HECW1: variants seen among roughly 807,000 people sequenced by gnomAD.
HECW1 encodes HECT, C2 and WW domain containing E3 ubiquitin protein ligase 1, also known as E3 ubiquitin-protein ligase HECW1.
Under a neutral mutation model 182.3 loss-of-function variants are expected in HECW1, and 61 were observed. The observed-to-expected ratio is 0.33, with a 90% CI of 0.27 to 0.41. The LOEUF (loss-of-function observed/expected upper bound fraction) is 0.41, where lower values mean the gene tolerates loss of function less well. Ranked by LOEUF, HECW1 falls within the 10% of genes least tolerant of loss-of-function variation. The probability of loss-of-function intolerance (pLI) is 1.00; values close to 1 mark genes in which losing one functional copy is unlikely to be tolerated. For missense variants in HECW1, 1,739 were observed against 2,108.9 expected, an observed-to-expected ratio of 0.82 and a Z score of 3.44; for synonymous variants, 859 against 832.6, an observed-to-expected ratio of 1.03 and a Z score of -0.55.
At chr7:43,318,337 T>A (rs1424167244) in intron 4 of HECW1, among the ~76,000 whole-genome samples, 1 of 152,204 alleles carries the variant, frequency 6.6e-6, no homozygotes, top group Non-Finnish European at 1.5e-5. Context: ...AATGAGGCAA[T>A]TACTGTAAAA....
At chr7:43,501,366 G>A (rs1457070214) in intron 21 of HECW1, 44 bp downstream of exon 21, 1 of 1,102,366 alleles carries the variant, frequency 9.1e-7, no homozygotes, top group Non-Finnish European at 1.4e-6. Flanking sequence ...GTGGCCACGT[G>A]TGTTTCCTCC....
intron 2 of HECW1, among the ~76,000 whole-genome samples, chr7:43,187,023 G>A (rs1793474478): frequency 6.6e-6 from 1 of 152,172 alleles, no homozygotes; most frequent in Non-Finnish European, 1.5e-5. Flanking sequence ...TTATCTGGAA[G>A]GCTCTGCCTC....
chr7:43,333,579 C>G (rs1811762327), intron 5 of HECW1, among the ~76,000 whole-genome samples: 1 of 152,108 alleles, frequency 6.6e-6, no homozygotes, highest in Non-Finnish European at 1.5e-5. Context: ...GTAGCATTTC[C>G]CCTTAGAAGG....
chr7:43,113,614 T>A (rs1223904522), intron 1 of HECW1: 2 of 178,734 alleles, frequency 1.1e-5, no homozygotes, highest in Non-Finnish European at 2.4e-5. Flanking sequence ...GGAGCAGTCA[T>A]GTCGCCTACC....
At chr7:43,390,182 T>C (rs1473292717) in intron 6 of HECW1, among the ~76,000 whole-genome samples, 1 of 152,112 alleles carries the variant, frequency 6.6e-6, no homozygotes, top group Non-Finnish European at 1.5e-5. Flanking sequence ...TGCCTTGTCT[T>C]CAAGGTGGTA....
At chr7:43,519,021 CA>C (rs2080310419) in intron 24 of HECW1, among the ~76,000 whole-genome samples, 1 of 152,092 alleles carries the variant, frequency 6.6e-6, no homozygotes. Flanking sequence ...CTCATAGAAA[CA>C]AAAGCACTAA....
intron 17 of HECW1, among the ~76,000 whole-genome samples, chr7:43,487,751 G>A (rs1015716184): frequency 5.3e-5 from 8 of 151,934 alleles, no homozygotes; most frequent in African/African-American, 1.9e-4. Flanking sequence ...GAAGCCAGGA[G>A]TTCAAGACCA....
rs1170128720 is a variant in HECW1 at position 43,442,702 on chromosome 7, A to G, written c.1045+73A>G. ...GTGTGGTTCCTTTTTCTAAAATACA[A>G]TAACTATGGTTCTCTCCAGATGTAT... On this transcript the variant is annotated intron_variant, in intron 10 of 29. Transcript: ENST00000395891. The G allele has an allele frequency of 1.7e-5, 17 of 994,996 alleles. No individual in the cohort carries two copies. Among genetic ancestry groups the G allele is most frequent in the Middle Eastern group, 2.0e-4 (1 of 4,900 alleles). 61.6% of individuals were successfully genotyped at this position (994,996 alleles called of 1,614,324 possible).
chr7:43,198,278 T>C (rs1318671647), intron 2 of HECW1, among the ~76,000 whole-genome samples: 1 of 140,228 alleles, frequency 7.1e-6, no homozygotes, highest in Non-Finnish European at 1.6e-5. Context: ...CACCCCACAC[T>C]CACACACCAC....
chr7:43,277,678 A>G (rs1194301011), intron 3 of HECW1, among the ~76,000 whole-genome samples: 1 of 151,940 alleles, frequency 6.6e-6, no homozygotes, highest in Non-Finnish European at 1.5e-5. Context: ...TTCCTTCTCC[A>G]TTTACCACAC....
chr7:43,509,302 G>T (rs2079745344), intron 24 of HECW1, 181 bp downstream of exon 24: 1 of 528,940 alleles, frequency 1.9e-6, no homozygotes, highest in African/African-American at 1.9e-5. Context: ...AACACAAGAT[G>T]GATTTACCAA....
chr7:43,427,056 G>A (rs1051736079), intron 8 of HECW1, among the ~76,000 whole-genome samples: 1 of 151,740 alleles, frequency 6.6e-6, no homozygotes, highest in Non-Finnish European at 1.5e-5. Context: ...GAAAGTTTAT[G>A]GTTGCTAAGC....
At chr7:43,451,385 T>G (rs1002467714) in intron 12 of HECW1, among the ~76,000 whole-genome samples, 1 of 152,236 alleles carries the variant, frequency 6.6e-6, no homozygotes. Flanking sequence ...TGTACTTTCC[T>G]TACTATAACT....
intron 7 of HECW1, among the ~76,000 whole-genome samples, chr7:43,400,837 C>T (rs1032966203): frequency 6.6e-6 from 1 of 152,204 alleles, no homozygotes; most frequent in East Asian, 1.9e-4. Context: ...TAAAATCAAG[C>T]TGTCAGCCAG....
Position 43,541,918 on chromosome 7 carries a change from A to G in HECW1, c.4168A>G (p.Ser1390Gly). The change falls in exon 26 of 30, where the codon AGT becomes GGT. Residue 1390 changes from serine to glycine, a missense_variant. Physicochemically the swap from Ser to Gly is moderately conservative, Grantham distance 56 (BLOSUM62 0). Around this residue, in one of 5 missense-constraint regions of HECW1, gnomAD observed 420 missense variants for 595.7 expected, o/e 0.71. Coordinates refer to ENST00000395891, the MANE Select transcript of HECW1 (RefSeq NM_015052.5). ...ATATTTGGATGAGGAATTCCACCAG[A>G]GTTTGCAGTGGATGAAGGACAACAA... Reference protein sequence around the residue: ...LEYLDEEFHQSLQWMKDNNIT... With the variant: ...LEYLDEEFHQGLQWMKDNNIT... 5.1e-6 allele frequency: 8 copies of G among 1,560,216 alleles called. No individual in the cohort carries two copies. The highest frequency in any genetic ancestry group is 6.9e-6 in the Non-Finnish European group (8 of 1,153,162).
At position 43,563,336 on chromosome 7, in the gene HECW1, T is replaced by C. The variant is rs369265302; in HGVS notation, c.*1410T>C. ...ACATTTGAAATAAACCCAACCATAA[T>C]GGTCATTTGCTATTTTTCTAACGTT... On this transcript the variant is annotated 3_prime_UTR_variant, in exon 30 of 30. Coordinates refer to ENST00000395891, the MANE Select transcript of HECW1 (RefSeq NM_015052.5). The C allele has an allele frequency of 4.8e-6, 1 of 209,486 alleles. No homozygotes were observed. The highest frequency in any genetic ancestry group is 7.2e-5 in the East Asian group (1 of 13,826). The allele number at this position is 209,486 out of a possible 1,614,324, so 13.0% of individuals were successfully genotyped here.
Position 43,358,769 on chromosome 7 carries a change from A to G in HECW1, c.461-2117A>G, listed in dbSNP as rs35517144. On this transcript the variant is annotated intron_variant, in intron 5 of 29. Coordinates refer to ENST00000395891, the MANE Select transcript of HECW1 (RefSeq NM_015052.5). ...TTTCCTGATAGAAGTGTAAAGTGTT[A>G]TTTGGAAAGCAATTTGGCCCCAGGA... Among the ~76,000 whole-genome samples the G allele has an allele frequency of 3.3e-3, 491 of 147,952 alleles. 2 individuals carry two copies. Among genetic ancestry groups the G allele is most frequent in the Non-Finnish European group, 5.0e-3 (337 of 67,144 alleles).
In HECW1 at chr7:43,499,262, AAC is replaced by A. The variant is rs569797958; in HGVS notation, c.3438-1435_3438-1434del. 1.3e-3 allele frequency among the ~76,000 whole-genome samples: 205 copies of A among 152,282 alleles called. 1 individual carries two copies. Among genetic ancestry groups the A allele is most frequent in the Admixed American group, 2.4e-3 (36 of 15,288 alleles). On this transcript the variant is annotated intron_variant, in intron 19 of 29. Coordinates refer to ENST00000395891, the MANE Select transcript of HECW1 (RefSeq NM_015052.5). ...CAGGTCACTGCACTGCAGAGTGAGC[AAC>A]AGAGTGAGACCCTGTCTCAAAAAAA...
chr7:43,501,854 G>GAAAT (rs1237033031), intron 21 of HECW1, among the ~76,000 whole-genome samples: 1 of 151,774 alleles, frequency 6.6e-6, no homozygotes, highest in Non-Finnish European at 1.5e-5. Context: ...AAGAAAGAAA[G>GAAAT]AAAGAAAAGA....
Sources: allele counts gnomAD v4.1 joint callset (sites outside exome capture counted in the v4.1 genomes callset), GRCh38; gene constraint gnomAD v4.1.1; regional missense constraint gnomAD v4.1.1; transcripts MANE v1.5; gene names NCBI Gene and HGNC (gene_info 2026-07-23, HGNC 2026-07-21).